The following CDH4 variants were observed in gnomAD, a reference collection of about 807,000 sequenced individuals.
The protein encoded by CDH4 is cadherin 4, also known as cadherin-4.
CDH4 carries 33 observed loss-of-function variants against 86.0 expected under a neutral mutation model. The ratio of observed to expected loss-of-function variants is 0.38; its 90% CI spans 0.29 to 0.51. The LOEUF is 0.51. CDH4 is among the 20% of genes least tolerant of loss of function. The pLI, the probability that CDH4 is intolerant of heterozygous loss-of-function variation, is 0.86. For missense variants in CDH4, 1,114 were observed against 1,307.4 expected (o/e 0.85, Z 2.28); for synonymous variants, 555 against 549.4 (o/e 1.01, Z -0.14).
At position 61,393,538 on chromosome 20, in the gene CDH4, GAGC is replaced by G. The variant is rs2084998528; in HGVS notation, c.169+138604_169+138606del. Among the ~76,000 whole-genome samples the G allele has an allele frequency of 6.6e-6, 1 of 152,136 alleles. No individual in the cohort carries two copies. Among genetic ancestry groups the G allele is most frequent in the Admixed American group, 6.5e-5 (1 of 15,282 alleles). ...GACAGCCCAGAGTGGGGTCTTTATG[GAGC>G]AGGATCCTCACGTAGCCCACATTCG... On this transcript the variant is annotated intron_variant, in intron 2 of 15. Coordinates refer to ENST00000614565, the MANE Select transcript of CDH4 (RefSeq NM_001794.5). The surrounding 1 kb of genome is among the most constrained non-coding windows in gnomAD (Gnocchi z 4.3).
intron 2 of CDH4, among the ~76,000 whole-genome samples, chr20:61,389,382 G>T (rs1185603580): frequency 6.6e-6 from 1 of 152,232 alleles, no homozygotes. Flanking sequence ...GTTTGTCCCT[G>T]TGGTTACACA....
chr20:61,830,013 T>G (rs1301443907), intron 4 of CDH4, among the ~76,000 whole-genome samples: 1 of 152,032 alleles, frequency 6.6e-6, no homozygotes, highest in Non-Finnish European at 1.5e-5. Flanking sequence ...TGGAAACCCT[T>G]GCAGGCCCCA....
chr20:61,713,174 A>C (rs1035244734), intron 2 of CDH4, among the ~76,000 whole-genome samples: 2 of 152,200 alleles, frequency 1.3e-5, no homozygotes, highest in Non-Finnish European at 2.9e-5. Flanking sequence ...ATGCTTTTGA[A>C]ATGTATCTGC....
rs1012241386 is a variant in CDH4, at chr20:61,829,923, G to A, written c.577-14745G>A. On this transcript the variant is annotated intron_variant, in intron 4 of 15. Coordinates refer to ENST00000614565, the MANE Select transcript of CDH4 (RefSeq NM_001794.5). This position sits in a 1 kb window ranked among gnomAD's most constrained non-coding sequence, Gnocchi z 4.2. ...GAGGCTCCTGCCCGGCCGGCCCTGG[G>A]GCTGGGAGGCAGGTGTGGGAAGTGC... 6.6e-6 allele frequency among the ~76,000 whole-genome samples: 1 copy of A among 152,106 alleles called. No individual in the cohort carries two copies. Among genetic ancestry groups the A allele is most frequent in the African/African-American group, 2.4e-5 (1 of 41,414 alleles).
intron 4 of CDH4, among the ~76,000 whole-genome samples, chr20:61,822,032 G>C (rs1277749692): frequency 6.6e-6 from 1 of 152,238 alleles, no homozygotes; most frequent in Non-Finnish European, 1.5e-5. Context: ...TTTTGGCTTG[G>C]ATAGTTACTA....
rs2146079782 is a variant in CDH4 at position 61,829,907 on chromosome 20, G to A, written c.577-14761G>A. ...CTGGGGTGGGAGGGACGAGGCTCCT[G>A]CCCGGCCGGCCCTGGGGCTGGGAGG... On this transcript the variant is annotated intron_variant, in intron 4 of 15. Transcript: ENST00000614565. The surrounding 1 kb of genome is among the most constrained non-coding windows in gnomAD (Gnocchi z 4.2). 6.6e-6 allele frequency among the ~76,000 whole-genome samples: 1 copy of A among 152,120 alleles called. No homozygotes were observed. The highest frequency in any genetic ancestry group is 2.1e-4 in the South Asian group (1 of 4,822).
At position 61,766,026 on chromosome 20, in the gene CDH4, C is replaced by T. The variant is rs564299781; in HGVS notation, c.397-6977C>T. Among the ~76,000 whole-genome samples the T allele has an allele frequency of 4.6e-5, 7 of 152,130 alleles. No homozygotes were observed. In the South Asian group the frequency reaches 1.0e-3, roughly 22 times the overall value. On this transcript the variant is annotated intron_variant, in intron 3 of 15. Transcript: ENST00000614565. ...AAGTATGGGTAGGGTAGAGGGACCG[C>T]GGATGCTGGGCCCAGCCCTGGGTTC...
chr20:61,879,696 A>T lies in CDH4; in HGVS notation c.1050+5796A>T, dbSNP rs997318434. Among the ~76,000 whole-genome samples the T allele has an allele frequency of 2.6e-5, 4 of 152,134 alleles. No individual in the cohort carries two copies. Among genetic ancestry groups the T allele is most frequent in the Admixed American group, 6.5e-5 (1 of 15,282 alleles). On this transcript the variant is annotated intron_variant, in intron 7 of 15. Transcript: ENST00000614565. This position sits in a 1 kb window ranked among gnomAD's most constrained non-coding sequence, Gnocchi z 4.1. Reference sequence around the variant, plus strand: ...TCCTAATTAGAATATTTATGGCCTAATGAGGAGGTGAACGTGCCGCCCGAG... The same window carrying T: ...TCCTAATTAGAATATTTATGGCCTATTGAGGAGGTGAACGTGCCGCCCGAG...
intron 2 of CDH4, among the ~76,000 whole-genome samples, chr20:61,559,519 C>CTTTTTTTTTTTTT (rs1156864328): frequency 3.8e-5 from 4 of 105,176 alleles, no homozygotes; most frequent in Non-Finnish European, 7.2e-5. Flanking sequence ...ATTTTTTTTT[C>CTTTTTTTTTTTTT]TTTTTTTTTT....
intron 15 of CDH4, among the ~76,000 whole-genome samples, chr20:61,934,578 G>A (rs988228095): frequency 6.6e-6 from 1 of 152,204 alleles, no homozygotes; most frequent in Admixed American, 6.5e-5. Context: ...CGGGGAAGGC[G>A]CACTTGGTGC....
chr20:61,706,838 C>T (rs113698349), intron 2 of CDH4, among the ~76,000 whole-genome samples: 4 of 152,350 alleles, frequency 2.6e-5, no homozygotes, highest in African/African-American at 9.6e-5. Flanking sequence ...CAGCATCCGA[C>T]CTCCACATTA....
At chr20:61,626,671 C>T (rs978194489) in intron 2 of CDH4, among the ~76,000 whole-genome samples, 4 of 152,172 alleles carry the variant, frequency 2.6e-5, no homozygotes, top group African/African-American at 9.7e-5. Flanking sequence ...TGCTTCTGCA[C>T]CCAGCAGCAG....
At chr20:61,910,654 C>G (rs764552572) in intron 9 of CDH4, 47 bp downstream of exon 9, 6 of 1,517,336 alleles carry the variant, frequency 4.0e-6, no homozygotes, top group South Asian at 1.1e-5. Context: ...GTTCTGCCAC[C>G]TGCACACTCC....
At chr20:61,442,053 C>A (rs1261957762) in intron 2 of CDH4, among the ~76,000 whole-genome samples, 1 of 152,228 alleles carries the variant, frequency 6.6e-6, no homozygotes, top group Non-Finnish European at 1.5e-5. Flanking sequence ...GTGACCCACA[C>A]TTGAAGACCA....
rs74450718 is a variant in CDH4, at chr20:61,280,827, CCTAACAGCT to C, written c.169+25893_169+25901del. Reference sequence around the variant, plus strand: ...TGGGGGGTTTCGATGCTCTTGAGTCCCTAACAGCTCTCACCTCGCTACCCTCCCTGTTCC... The same window carrying C: ...TGGGGGGTTTCGATGCTCTTGAGTCCCTCACCTCGCTACCCTCCCTGTTCC... On this transcript the variant is annotated intron_variant, in intron 2 of 15. Transcript: ENST00000614565. 9.9e-3 allele frequency among the ~76,000 whole-genome samples: 1,511 copies of C among 152,236 alleles called. 9 individuals carry two copies. The highest frequency in any genetic ancestry group is 0.016 in the Non-Finnish European group (1,080 of 68,002).
intron 2 of CDH4, among the ~76,000 whole-genome samples, chr20:61,662,021 C>T (rs558187748): frequency 1.9e-4 from 29 of 152,176 alleles, no homozygotes; most frequent in African/African-American, 5.5e-4. Context: ...TTTGTGAAAC[C>T]CCAGGTGTGT....
rs552613976 is a variant in CDH4 at position 61,350,039 on chromosome 20, G to A, written c.169+95102G>A. On this transcript the variant is annotated intron_variant, in intron 2 of 15. Coordinates refer to ENST00000614565, the MANE Select transcript of CDH4 (RefSeq NM_001794.5). The stretch of plus-strand genomic sequence containing the variant: ...GACACATGTGGGCGAGGAGGCAGCC[G>A]CCCTCCAGTGCCACAAGGCCAGCGG... Among the ~76,000 whole-genome samples the A allele has an allele frequency of 5.3e-5, 8 of 152,306 alleles. No homozygotes were observed. The East Asian group carries it at 1.2e-3, about 22-fold the overall frequency.
intron 4 of CDH4, among the ~76,000 whole-genome samples, chr20:61,813,193 T>C (rs1460935737): frequency 6.6e-6 from 1 of 152,224 alleles, no homozygotes; most frequent in Non-Finnish European, 1.5e-5. Context: ...AAGATTGTGG[T>C]GGGGTGACCA....
chr20:61,362,648 G>T (rs1442727316), intron 2 of CDH4, among the ~76,000 whole-genome samples: 1 of 152,138 alleles, frequency 6.6e-6, no homozygotes, highest in Non-Finnish European at 1.5e-5. Flanking sequence ...CAGGATGGGG[G>T]AGCAAAGGGG....
Sources: gnomAD v4.1 joint callset for allele counts (sites outside exome capture counted in the v4.1 genomes callset) on GRCh38, gnomAD v4.1.1 for gene constraint, Gnocchi (gnomAD v3.1) non-coding constraint, MANE v1.5 for transcripts, NCBI Gene and HGNC (gene_info 2026-07-23, HGNC 2026-07-21) for gene names.